SMOC2: variants seen among roughly 807,000 people sequenced by gnomAD.
The protein encoded by SMOC2 is SPARC-related modular calcium-binding protein 2.
A neutral mutation model predicts 61.4 loss-of-function variants in SMOC2; 39 were observed. That is an observed-to-expected ratio of 0.64 (90% CI 0.49 to 0.83). The LOEUF (loss-of-function observed/expected upper bound fraction) is 0.83. Ranked by LOEUF, SMOC2 falls within the 40% of genes least tolerant of loss-of-function variation. The pLI, the probability that SMOC2 is intolerant of heterozygous loss-of-function variation, is 0.00. For synonymous variants in SMOC2, 247 were observed against 239.9 expected (o/e 1.03, Z -0.27); for missense variants, 556 against 592.9 (o/e 0.94, Z 0.65).
chr6:168,533,949 T>C (rs1583087937), intron 4 of SMOC2, among the ~76,000 whole-genome samples: 1 of 152,286 alleles, frequency 6.6e-6, no homozygotes, highest in Non-Finnish European at 1.5e-5. Flanking sequence ...ATTTTATCTG[T>C]TTAAAATACT....
At chr6:168,602,349 G>A (rs1398449707) in intron 8 of SMOC2, among the ~76,000 whole-genome samples, 3 of 152,170 alleles carry the variant, frequency 2.0e-5, no homozygotes, top group African/African-American at 4.8e-5. Flanking sequence ...CTGTTCTGCC[G>A]TCTTCTTCTT....
chr6:168,511,504 C>T (rs1297309794), intron 2 of SMOC2, among the ~76,000 whole-genome samples: 1 of 152,220 alleles, frequency 6.6e-6, no homozygotes, highest in Non-Finnish European at 1.5e-5. Context: ...CCAGGTCCCT[C>T]CCATGACACG....
At chr6:168,585,064 C>A (rs945553215) in intron 7 of SMOC2, among the ~76,000 whole-genome samples, 1 of 152,218 alleles carries the variant, frequency 6.6e-6, no homozygotes, top group African/African-American at 2.4e-5. Context: ...CTCAAGTGAT[C>A]TTCCCATCTC....
At chr6:168,608,071 G>C in intron 8 of SMOC2, 86 bp from the exon 9 acceptor site, 1 of 1,245,408 alleles carries the variant, frequency 8.0e-7, no homozygotes. Flanking sequence ...GCTAGGGTAG[G>C]ACACTCCAGA....
chr6:168,569,032 G>A lies in SMOC2; in HGVS notation c.637+19829G>A, dbSNP rs896244880. Among the ~76,000 whole-genome samples the A allele has an allele frequency of 3.3e-5, 5 of 152,152 alleles. No individual in the cohort carries two copies. In the East Asian group the frequency reaches 9.6e-4, roughly 29 times the overall value. ...GAAACACTCATATGTAGGTTTTTGT[G>A]GACATCAGGGTTCAGCACATTTGGC... is the stretch of plus-strand genomic sequence containing the variant. On this transcript the variant is annotated intron_variant, in intron 7 of 12. Transcript: ENST00000356284.
intron 10 of SMOC2, 53 bp from the exon 11 acceptor site, chr6:168,652,901 G>A (rs1386356768): frequency 8.3e-6 from 13 of 1,570,668 alleles, no homozygotes; most frequent in Non-Finnish European, 1.0e-5. Context: ...CAGTGGCCAG[G>A]AAGGAGCAGC....
At chr6:168,510,541 G>A (rs1443352894) in intron 2 of SMOC2, among the ~76,000 whole-genome samples, 3 of 152,160 alleles carry the variant, frequency 2.0e-5, no homozygotes, top group Non-Finnish European at 4.4e-5. Context: ...AGATTGAAAT[G>A]CTTCCTACAT....
chr6:168,565,723 T>C (rs2115133055), intron 7 of SMOC2, among the ~76,000 whole-genome samples: 1 of 152,270 alleles, frequency 6.6e-6, no homozygotes, highest in Non-Finnish European at 1.5e-5. Context: ...CCCTGCTCTG[T>C]CCTCAGGTCT....
intron 9 of SMOC2, among the ~76,000 whole-genome samples, chr6:168,637,987 C>T (rs1479452066): frequency 6.6e-6 from 1 of 151,582 alleles, no homozygotes; most frequent in Non-Finnish European, 1.5e-5. Context: ...CGCCCCTGCC[C>T]CACCCTGCAG....
intron 1 of SMOC2, among the ~76,000 whole-genome samples, chr6:168,466,558 T>G (rs1310229159): frequency 6.6e-6 from 1 of 152,252 alleles, no homozygotes; most frequent in African/African-American, 2.4e-5. Flanking sequence ...AGGAGGTCAC[T>G]TCCAACTTTC....
intron 7 of SMOC2, among the ~76,000 whole-genome samples, chr6:168,559,740 C>G (rs1436593686): frequency 6.6e-6 from 1 of 152,172 alleles, no homozygotes; most frequent in Non-Finnish European, 1.5e-5. Flanking sequence ...CTCTCCCTAG[C>G]TGTGAGCAAT....
chr6:168,499,267 C>T (rs574082902), intron 1 of SMOC2, among the ~76,000 whole-genome samples: 1 of 152,362 alleles, frequency 6.6e-6, no homozygotes, highest in Admixed American at 6.5e-5. Flanking sequence ...AGAGCCACTG[C>T]GATTCCAGGT....
intron 7 of SMOC2, among the ~76,000 whole-genome samples, chr6:168,584,539 TA>T (rs59318923): frequency 0.013 from 1,823 of 144,800 alleles, 29 homozygotes; most frequent in African/African-American, 0.041. Flanking sequence ...CAGGTCCTCT[TA>T]AAAAAAAAAA....
intron 9 of SMOC2, among the ~76,000 whole-genome samples, chr6:168,633,421 T>C (rs1378716592): frequency 6.6e-6 from 1 of 152,176 alleles, no homozygotes; most frequent in East Asian, 1.9e-4. Context: ...TCCCTGCACA[T>C]GGCTCGCTGC....
At chr6:168,456,784 A>G (rs1265373456) in intron 1 of SMOC2, among the ~76,000 whole-genome samples, 4 of 152,064 alleles carry the variant, frequency 2.6e-5, no homozygotes, top group Non-Finnish European at 4.4e-5. Flanking sequence ...GGGACTCTGG[A>G]TGCATCGTTT....
chr6:168,485,469 C>T (rs1782308632), intron 1 of SMOC2, among the ~76,000 whole-genome samples: 1 of 152,170 alleles, frequency 6.6e-6, no homozygotes, highest in African/African-American at 2.4e-5. Flanking sequence ...AGCCTAGTCA[C>T]ACAACAGAAT....
At chr6:168,442,986 A>G (rs1781250986) in intron 1 of SMOC2, among the ~76,000 whole-genome samples, 3 of 152,354 alleles carry the variant, frequency 2.0e-5, no homozygotes, top group Non-Finnish European at 4.4e-5. Flanking sequence ...CTGTACATGC[A>G]TCTAGACATA....
intron 9 of SMOC2, among the ~76,000 whole-genome samples, chr6:168,628,301 A>G (rs986054140): frequency 6.6e-6 from 1 of 152,140 alleles, no homozygotes; most frequent in Non-Finnish European, 1.5e-5. Context: ...CTGTGTGGCT[A>G]CCTCCCAAAT....
intron 1 of SMOC2, among the ~76,000 whole-genome samples, chr6:168,486,945 A>T (rs551703946): frequency 6.6e-6 from 1 of 152,270 alleles, no homozygotes; most frequent in East Asian, 1.9e-4. Flanking sequence ...CAGCATGCAG[A>T]GAGACATACT....
Sources: gnomAD v4.1 joint callset for allele counts (sites outside exome capture counted in the v4.1 genomes callset) on GRCh38, gnomAD v4.1.1 for gene constraint, MANE v1.5 for transcripts, NCBI Gene and HGNC (gene_info 2026-07-23, HGNC 2026-07-21) for gene names.